The following FHOD3 variants were observed in gnomAD, a reference collection of about 807,000 sequenced individuals.
The protein encoded by FHOD3 is formin homology 2 domain containing 3, also known as FH1/FH2 domain-containing protein 3.
In FHOD3, 90 loss-of-function variants were observed where a neutral mutation model predicts 173.0. That is an observed-to-expected ratio of 0.52 (90% CI 0.44 to 0.62). The LOEUF is 0.62. Among genes scored for constraint, FHOD3 ranks in the 20% least tolerant of loss-of-function variants. FHOD3 has a pLI of 0.00. For synonymous variants in FHOD3, 828 were observed against 823.0 expected (o/e 1.01, Z -0.10); for missense variants, 1,945 against 2,034.7 (o/e 0.96, Z 0.85).
chr18:36,642,197 T>G (rs2035359797), intron 10 of FHOD3, among the ~76,000 whole-genome samples: 1 of 152,160 alleles, frequency 6.6e-6, no homozygotes, highest in Non-Finnish European at 1.5e-5. Flanking sequence ...ATATTAGGCT[T>G]AGTACCTGGG....
At chr18:36,423,862 G>T (rs1179363078) in intron 3 of FHOD3, among the ~76,000 whole-genome samples, 2 of 152,108 alleles carry the variant, frequency 1.3e-5, no homozygotes, top group African/African-American at 2.4e-5. Flanking sequence ...GTTTTTCACG[G>T]CAATCATCAC....
intron 1 of FHOD3, among the ~76,000 whole-genome samples, chr18:36,338,020 C>T (rs1367595437): frequency 6.6e-6 from 1 of 152,154 alleles, no homozygotes; most frequent in African/African-American, 2.4e-5. Context: ...TAAACCAGGG[C>T]TGTCTGGTCA....
chr18:36,371,694 A>G (rs893079055), intron 2 of FHOD3, among the ~76,000 whole-genome samples: 16 of 152,186 alleles, frequency 1.1e-4, no homozygotes, highest in African/African-American at 3.9e-4. Flanking sequence ...ATTCATAATC[A>G]CAGTATTAGT....
At chr18:36,426,488 G>A (rs75802217) in intron 3 of FHOD3, among the ~76,000 whole-genome samples, 3,790 of 152,256 alleles carry the variant, frequency 0.025, 145 homozygotes, top group African/African-American at 0.087. Context: ...TGAGATTGGT[G>A]CACAAGTGAG....
chr18:36,568,037 G>A (rs1011045163), intron 5 of FHOD3, among the ~76,000 whole-genome samples: 3 of 151,626 alleles, frequency 2.0e-5, no homozygotes, highest in Non-Finnish European at 2.9e-5. Context: ...AGAAGGGGGA[G>A]CCTCAGCTGG....
intron 5 of FHOD3, among the ~76,000 whole-genome samples, chr18:36,544,336 C>T (rs1462902543): frequency 6.6e-6 from 1 of 152,254 alleles, no homozygotes; most frequent in African/African-American, 2.4e-5. Flanking sequence ...AGAGCACATG[C>T]TGTTTGCTTG....
At chr18:36,505,016 A>C (rs938151583) in intron 4 of FHOD3, among the ~76,000 whole-genome samples, 1 of 152,212 alleles carries the variant, frequency 6.6e-6, no homozygotes, top group Non-Finnish European at 1.5e-5. Flanking sequence ...TATATTTTCC[A>C]CACATGCCCA....
intron 17 of FHOD3, among the ~76,000 whole-genome samples, chr18:36,701,793 G>T (rs1334032022): frequency 1.3e-5 from 2 of 152,162 alleles, no homozygotes; most frequent in Non-Finnish European, 2.9e-5. Context: ...TCAAAACCAT[G>T]GAGAAGTTAT....
At chr18:36,298,075 G>A in intron 1 of FHOD3, 75 bp downstream of exon 1, 1 of 1,311,708 alleles carries the variant, frequency 7.6e-7, no homozygotes, top group Non-Finnish European at 9.9e-7. Context: ...TGGGTCCCGG[G>A]GCTTCGTGGG....
chr18:36,766,438 C>T (rs2043139965), intron 27 of FHOD3, among the ~76,000 whole-genome samples: 1 of 152,170 alleles, frequency 6.6e-6, no homozygotes, highest in South Asian at 2.1e-4. Flanking sequence ...TTGCTTTATC[C>T]TCTCCACCAC....
At chr18:36,367,420 A>G (rs1470538066) in intron 2 of FHOD3, among the ~76,000 whole-genome samples, 2 of 152,090 alleles carry the variant, frequency 1.3e-5, no homozygotes, top group African/African-American at 4.8e-5. Flanking sequence ...ATAGGAAAGG[A>G]ATCCGAGTCT....
At chr18:36,585,298 A>G (rs1225575662) in intron 6 of FHOD3, among the ~76,000 whole-genome samples, 3 of 152,154 alleles carry the variant, frequency 2.0e-5, no homozygotes, top group African/African-American at 7.2e-5. Context: ...GTCATGTAAT[A>G]TTTGTGTTGG....
intron 14 of FHOD3, among the ~76,000 whole-genome samples, chr18:36,672,084 C>A (rs1002921615): frequency 3.9e-5 from 6 of 152,058 alleles, no homozygotes; most frequent in Admixed American, 3.9e-4. Context: ...GGCATGGAGG[C>A]CATCTTAGGG....
Position 36,674,992 on chromosome 18 carries a change from A to C in FHOD3, c.1836-6444A>C, listed in dbSNP as rs189815672. On this transcript the variant is annotated intron_variant, in intron 14 of 28. Transcript: ENST00000590592. ...CTGGGGATTTTTGAATGCCAATACT[A>C]CTTTTTGTTGTCCTGTATTTCCTTT... is the stretch of plus-strand genomic sequence containing the variant. 8.0e-4 allele frequency among the ~76,000 whole-genome samples: 121 copies of C among 152,188 alleles called. No homozygotes were observed. In the East Asian group the frequency reaches 0.011, roughly 14 times the overall value.
At chr18:36,321,345 G>A (rs1568119216) in intron 1 of FHOD3, among the ~76,000 whole-genome samples, 1 of 151,380 alleles carries the variant, frequency 6.6e-6, no homozygotes, top group Non-Finnish European at 1.5e-5. Context: ...GGTAAATAAT[G>A]AGATGGGGGT....
intron 3 of FHOD3, among the ~76,000 whole-genome samples, chr18:36,446,673 T>C (rs2051496837): frequency 6.6e-6 from 1 of 152,130 alleles, no homozygotes; most frequent in African/African-American, 2.4e-5. Context: ...ATTTGCCTGG[T>C]TTGCACTGGC....
chr18:36,455,997 T>C (rs574800727), intron 3 of FHOD3, among the ~76,000 whole-genome samples: 15 of 152,278 alleles, frequency 9.9e-5, no homozygotes, highest in African/African-American at 3.6e-4. Context: ...CAAGGCCATG[T>C]GCACCCCGAG....
intron 16 of FHOD3, among the ~76,000 whole-genome samples, 156 bp downstream of exon 16, chr18:36,687,334 T>A (rs1005726040): frequency 1.4e-4 from 22 of 152,192 alleles, no homozygotes; most frequent in Non-Finnish European, 2.9e-5. Context: ...GTTACCTAAA[T>A]TTTCCAATAA....
intron 14 of FHOD3, among the ~76,000 whole-genome samples, chr18:36,662,418 A>G (rs1018009150): frequency 6.6e-6 from 1 of 152,216 alleles, no homozygotes; most frequent in Non-Finnish European, 1.5e-5. Flanking sequence ...CTCTGTGGAC[A>G]TGCTGTGCTG....
Sources: allele counts gnomAD v4.1 joint callset (sites outside exome capture counted in the v4.1 genomes callset), GRCh38; gene constraint gnomAD v4.1.1; transcripts MANE v1.5; gene names NCBI Gene and HGNC (gene_info 2026-07-23, HGNC 2026-07-21).